Variants in LYPD6B observed in about 807,000 individuals in gnomAD.
LYPD6B encodes ly6/PLAUR domain-containing protein 6B.
A neutral mutation model predicts 22.8 loss-of-function variants in LYPD6B; 17 were observed. The observed-to-expected ratio is 0.75, with a 90% CI of 0.51 to 1.12. The LOEUF (loss-of-function observed/expected upper bound fraction) is 1.12, where lower values mean the gene tolerates loss of function less well. Among genes scored for constraint, LYPD6B ranks in the 50% most tolerant of loss-of-function variants. The probability of loss-of-function intolerance (pLI) is 0.00; values close to 1 mark genes in which losing one functional copy is unlikely to be tolerated. For missense variants in LYPD6B, 221 were observed against 258.3 expected (o/e 0.86, Z 0.99); for synonymous variants, 106 against 91.6 (o/e 1.16, Z -0.90).
At chr2:149,056,473 C>T (rs1440106413) in intron 1 of LYPD6B, among the ~76,000 whole-genome samples, 1 of 152,034 alleles carries the variant, frequency 6.6e-6, no homozygotes, top group African/African-American at 2.4e-5. Context: ...TTGGAAGATT[C>T]ACTTTCTACC....
intron 1 of LYPD6B, among the ~76,000 whole-genome samples, chr2:149,083,211 G>A (rs1163722573): frequency 6.6e-6 from 1 of 152,224 alleles, no homozygotes; most frequent in Non-Finnish European, 1.5e-5. Flanking sequence ...GCATTTTGCT[G>A]TGTCTGCTCT....
At chr2:149,138,797 C>G (rs1005379768) in intron 2 of LYPD6B, among the ~76,000 whole-genome samples, 8 of 152,212 alleles carry the variant, frequency 5.3e-5, no homozygotes, top group African/African-American at 1.9e-4. Flanking sequence ...ATCCTCCTAC[C>G]TTGGCCTCCC....
intron 1 of LYPD6B, among the ~76,000 whole-genome samples, chr2:149,067,606 G>T: frequency 6.7e-6 from 1 of 150,300 alleles, no homozygotes; most frequent in African/African-American, 2.4e-5. Context: ...ATCCTCATAG[G>T]GCTATAAAGT....
chr2:149,105,867 T>G (rs1164619082), intron 1 of LYPD6B, among the ~76,000 whole-genome samples: 1 of 152,140 alleles, frequency 6.6e-6, no homozygotes, highest in East Asian at 1.9e-4. Flanking sequence ...TCTTTGTTTC[T>G]CCTCATAAGG....
chr2:149,133,946 C>T (rs2105720374), intron 2 of LYPD6B, among the ~76,000 whole-genome samples: 1 of 151,994 alleles, frequency 6.6e-6, no homozygotes, highest in African/African-American at 2.4e-5. Context: ...AGAGGAAAGA[C>T]CAACAAGCAA....
chr2:149,198,259 G>A (rs2106105519), intron 3 of LYPD6B, among the ~76,000 whole-genome samples: 1 of 152,142 alleles, frequency 6.6e-6, no homozygotes, highest in Non-Finnish European at 1.5e-5. Context: ...GGTCAGGCTG[G>A]TCTCGAACTC....
intron 3 of LYPD6B, among the ~76,000 whole-genome samples, chr2:149,193,017 CA>C (rs1206455204): frequency 6.6e-6 from 1 of 152,062 alleles, no homozygotes; most frequent in African/African-American, 2.4e-5. Context: ...AGACAGTTGC[CA>C]GACTTGTGAG....
intron 1 of LYPD6B, among the ~76,000 whole-genome samples, chr2:149,094,247 C>T (rs1467924683): frequency 2.6e-5 from 4 of 152,158 alleles, no homozygotes; most frequent in East Asian, 1.9e-4. Flanking sequence ...ATTCGACTAT[C>T]GGCATGCAAT....
intron 3 of LYPD6B, among the ~76,000 whole-genome samples, chr2:149,172,797 C>A (rs1014370207): frequency 5.3e-5 from 8 of 151,992 alleles, no homozygotes; most frequent in African/African-American, 1.9e-4. Context: ...CTCTCTCTGC[C>A]TGACTGCTTG....
chr2:149,092,417 C>T (rs1198385838), intron 1 of LYPD6B, among the ~76,000 whole-genome samples: 1 of 152,044 alleles, frequency 6.6e-6, no homozygotes, highest in Non-Finnish European at 1.5e-5. Flanking sequence ...AGTGACTAGG[C>T]GATCTTTATA....
chr2:149,057,390 CT>C (rs936373659), intron 1 of LYPD6B, among the ~76,000 whole-genome samples: 56 of 131,372 alleles, frequency 4.3e-4, no homozygotes, highest in African/African-American at 6.2e-4. Flanking sequence ...CTGCCCTGCA[CT>C]TTTTTTTTTT....
intron 1 of LYPD6B, among the ~76,000 whole-genome samples, chr2:149,095,098 C>G (rs1336294487): frequency 6.6e-6 from 1 of 152,062 alleles, no homozygotes; most frequent in Non-Finnish European, 1.5e-5. Flanking sequence ...GAGTTCGTAA[C>G]CAGCCTGGCC....
In LYPD6B at chr2:149,148,828, AC is replaced by A. The variant is rs1275185420; in HGVS notation, c.6-11935del. ...CAGGTGTGACACGAGTGCTTGGCTG[AC>A]TGCAAAGAGTAGGATTATGGGACAG... On this transcript the variant is annotated intron_variant, in intron 2 of 6. Coordinates refer to ENST00000409642, the MANE Select transcript of LYPD6B (RefSeq NM_177964.5). Among the ~76,000 whole-genome samples, 10 of 152,302 alleles carry A rather than the reference AC, an allele frequency of 6.6e-5. No individual in the cohort carries two copies. The East Asian group carries it at 1.9e-3, about 29-fold the overall frequency.
At position 149,063,489 on chromosome 2, in the gene LYPD6B, G is replaced by T. The variant is rs74461667; in HGVS notation, c.-67+24688G>T. Among the ~76,000 whole-genome samples the T allele has an allele frequency of 5.9e-3, 902 of 152,302 alleles. 6 individuals are homozygous for T. Among genetic ancestry groups the T allele is most frequent in the Non-Finnish European group, 9.7e-3 (659 of 68,020 alleles). On this transcript the variant is annotated intron_variant, in intron 1 of 6. Coordinates refer to ENST00000409642, the MANE Select transcript of LYPD6B (RefSeq NM_177964.5). The stretch of plus-strand genomic sequence containing the variant: ...ACTGAGGTGGAAATGGCTTGATGAT[G>T]ATTTGATTTGTTGATAATGTCTGAC...
intron 1 of LYPD6B, among the ~76,000 whole-genome samples, chr2:149,117,067 A>G (rs945596174): frequency 6.6e-6 from 1 of 151,928 alleles, no homozygotes; most frequent in Non-Finnish European, 1.5e-5. Context: ...CTGCTGTTTT[A>G]TTATTGAGTG....
At chr2:149,196,937 A>G (rs1393546278) in intron 3 of LYPD6B, among the ~76,000 whole-genome samples, 2 of 152,302 alleles carry the variant, frequency 1.3e-5, no homozygotes, top group South Asian at 2.1e-4. Flanking sequence ...TTGTGGCATG[A>G]TACACTCCTC....
intron 1 of LYPD6B, among the ~76,000 whole-genome samples, chr2:149,120,298 CAT>C (rs36091042): frequency 5.7e-5 from 7 of 123,656 alleles, no homozygotes; most frequent in Admixed American, 8.4e-5. Context: ...TGTATATACA[CAT>C]ATATATATAT....
chr2:149,172,717 A>G (rs931255850), intron 3 of LYPD6B, among the ~76,000 whole-genome samples: 1 of 152,110 alleles, frequency 6.6e-6, no homozygotes, highest in African/African-American at 2.4e-5. Flanking sequence ...GCCCTCTTCT[A>G]TGTAGGTGGG....
chr2:149,154,024 T>C (rs1378699068), intron 2 of LYPD6B: 17 of 961,876 alleles, frequency 1.8e-5, no homozygotes, highest in Non-Finnish European at 2.1e-5. Context: ...GGATGGTGAT[T>C]CTAATAATGA....
Sources: allele counts gnomAD v4.1 joint callset (sites outside exome capture counted in the v4.1 genomes callset), GRCh38; gene constraint gnomAD v4.1.1; transcripts MANE v1.5; gene names NCBI Gene and HGNC (gene_info 2026-07-23, HGNC 2026-07-21).